The following NBPF14 variants were observed in gnomAD, a reference collection of about 807,000 sequenced individuals.
NBPF14 encodes the protein NBPF family member NBPF14.
Under a neutral mutation model 91.2 loss-of-function variants are expected in NBPF14, and 104 were observed. The ratio of observed to expected loss-of-function variants is 1.14; its 90% CI spans 0.97 to 1.34. The LOEUF (loss-of-function observed/expected upper bound fraction) is 1.34. Ranked by LOEUF, NBPF14 falls within the 40% of genes most tolerant of loss-of-function variation. The pLI is 0.00. For missense variants in NBPF14, 908 were observed against 783.0 expected, an observed-to-expected ratio of 1.16 and a Z score of -1.91; for synonymous variants, 294 against 303.8, an observed-to-expected ratio of 0.97 and a Z score of 0.34.
At chr1:148,533,766 T>A (rs373561186) in intron 70 of NBPF14, 95 bp downstream of exon 70, 2 of 761,298 alleles carry the variant, frequency 2.6e-6, no homozygotes, top group East Asian at 2.4e-5. Context: ...TCAGCCTTTG[T>A]TGAAAATATG....
In NBPF14 at chr1:148,566,327, G is replaced by A. The variant is rs1299846295; in HGVS notation, c.3543-12C>T. ...GCTCCCTGCTGAGCCTGGAAAAGGA[G>A]GAAAAGGTAAAGAATAAGCCAGGGG... On this transcript the variant is annotated splice_polypyrimidine_tract_variant and intron_variant, in intron 28 of 70. Transcript: ENST00000619423. 5 of 772,564 alleles carry A rather than the reference G, an allele frequency of 6.5e-6. No individual in the cohort carries two copies. The highest frequency in any genetic ancestry group is 2.8e-5 in the South Asian group (2 of 71,240). 47.9% of individuals were successfully genotyped at this position (772,564 alleles called of 1,614,324 possible).
intron 8 of NBPF14, 28 bp downstream of exon 8, chr1:148,587,273 C>T: frequency 6.5e-7 from 1 of 1,540,846 alleles, no homozygotes; most frequent in Non-Finnish European, 8.9e-7. Flanking sequence ...CACCTGCCCC[C>T]CTGCCTGCCC....
At chr1:148,560,165 G>C (rs1466892940) in intron 36 of NBPF14, among the ~76,000 whole-genome samples, 200 bp from the exon 37 acceptor site, 2 of 150,378 alleles carry the variant, frequency 1.3e-5, no homozygotes, top group Non-Finnish European at 2.9e-5. Flanking sequence ...CAGAGAGAGA[G>C]AGACAGAGAC....
At chr1:148,566,434 A>C (rs1658310662) in intron 28 of NBPF14, 119 bp from the exon 29 acceptor site, 2 of 603,572 alleles carry the variant, frequency 3.3e-6, no homozygotes, top group African/African-American at 1.9e-5. Flanking sequence ...TAGATCCATT[A>C]ATGAGGTAAC....
rs1325390970 is a variant in NBPF14, at chr1:148,593,785, T to G, written c.176-85A>C. On this transcript the variant is annotated intron_variant, in intron 2 of 70. Coordinates refer to ENST00000619423, the Ensembl canonical transcript of NBPF14. ...GCCTACAGGGCAGGAGCCAGGTCCA[T>G]CCCAAGGACAAAACTCTCCCCAGTA... 23 of 1,063,318 alleles carry G rather than the reference T, an allele frequency of 2.2e-5. 1 individual carries two copies. Among genetic ancestry groups the G allele is most frequent in the African/African-American group, 2.0e-4 (12 of 59,276 alleles). 65.9% of individuals were successfully genotyped at this position (1,063,318 alleles called of 1,614,324 possible).
intron 6 of NBPF14, among the ~76,000 whole-genome samples, chr1:148,590,008 G>C (rs1219283534): frequency 7.2e-6 from 1 of 139,484 alleles, no homozygotes; most frequent in Non-Finnish European, 1.6e-5. Flanking sequence ...CTGGGATTAA[G>C]ATGTGAGCCA....
intron 37 of NBPF14, 132 bp downstream of exon 37, chr1:148,559,661 A>G: frequency 6.5e-6 from 4 of 613,832 alleles, no homozygotes; most frequent in African/African-American, 3.0e-5. Flanking sequence ...GTTTCATTCA[A>G]CCTACATGTG....
rs1251928710 is a variant in NBPF14 at position 148,593,035 on chromosome 1, G to A, written c.279-269C>T. ...CAAAAGTAGGTGTCTTCCTAATTCCGTTTCAAAAAGACATCCTTTCAGTTC... is the reference window on the plus strand; with the variant it reads ...CAAAAGTAGGTGTCTTCCTAATTCCATTTCAAAAAGACATCCTTTCAGTTC... On this transcript the variant is annotated intron_variant, in intron 3 of 70. Transcript: ENST00000619423. Among the ~76,000 whole-genome samples, 156 of 145,850 alleles carry A rather than the reference G, an allele frequency of 1.1e-3. 10 individuals are homozygous for A. In the South Asian group the frequency reaches 0.023, roughly 22 times the overall value.
At position 148,587,117 on chromosome 1, in the gene NBPF14, C is replaced by T. The variant is rs1483922328; in HGVS notation, c.1091+184G>A. On this transcript the variant is annotated intron_variant, in intron 8 of 70. Transcript: ENST00000619423. ...AAAGAGAAAACAAGGCTCTGAGAAA[C>T]AACTGCAACCCATACATTTTTACTA... Among the ~76,000 whole-genome samples, 83 of 148,616 alleles carry T rather than the reference C, an allele frequency of 5.6e-4. 4 individuals are homozygous for T. Among genetic ancestry groups the T allele is most frequent in the African/African-American group, 2.0e-3 (81 of 41,004 alleles).
chr1:148,561,813 A>C lies in NBPF14; in HGVS notation c.4275-234T>G, dbSNP rs1198934594. Among the ~76,000 whole-genome samples, 7 of 136,828 alleles carry C rather than the reference A, an allele frequency of 5.1e-5. 1 individual carries two copies. Among genetic ancestry groups the C allele is most frequent in the African/African-American group, 2.4e-4 (7 of 28,628 alleles). 89.8% of individuals were successfully genotyped at this position (136,828 alleles called of 152,430 possible). ...CACACACACACACAAACACACACACACACACAGAGAGAGAGAGAGAGAGAG... is the reference window on the plus strand; with the variant it reads ...CACACACACACACAAACACACACACCCACACAGAGAGAGAGAGAGAGAGAG... On this transcript the variant is annotated intron_variant, in intron 34 of 70. Transcript: ENST00000619423.
At chr1:148,557,811 C>A (rs1656950759) in intron 39 of NBPF14, among the ~76,000 whole-genome samples, 1 of 105,652 alleles carries the variant, frequency 9.5e-6, no homozygotes, top group Non-Finnish European at 1.8e-5. Flanking sequence ...TTTATTGTTC[C>A]CATCAGTTCA....
At chr1:148,551,784 G>C (rs1355893466) in intron 47 of NBPF14, among the ~76,000 whole-genome samples, 192 bp downstream of exon 47, 65 of 17,402 alleles carry the variant, frequency 3.7e-3, no homozygotes, top group African/African-American at 0.032. Flanking sequence ...TAGGAAGAGA[G>C]TCTTGCTCAC....
intron 69 of NBPF14, among the ~76,000 whole-genome samples, 169 bp from the exon 70 acceptor site, chr1:148,534,138 C>T (rs1247178361): frequency 6.8e-6 from 1 of 146,818 alleles, no homozygotes; most frequent in Non-Finnish European, 1.5e-5. Context: ...AGAAATTCCT[C>T]GGTTTTTCTC....
At chr1:148,535,151 C>A (rs1215551806) in intron 68 of NBPF14, among the ~76,000 whole-genome samples, 1 of 148,810 alleles carries the variant, frequency 6.7e-6, no homozygotes, top group Non-Finnish European at 1.5e-5. Flanking sequence ...GCCCTCGGGA[C>A]ACACAGCGAA....
At chr1:148,539,328 G>C in intron 63 of NBPF14, 82 bp downstream of exon 63, 2 of 578,142 alleles carry the variant, frequency 3.5e-6, no homozygotes, top group Non-Finnish European at 6.1e-6. Context: ...TCTCGGGTCA[G>C]TAAGGGGCAC....
chr1:148,534,684 T>A lies in NBPF14; in HGVS notation c.8614A>T (p.Lys2872Ter), dbSNP rs1378916410. 1.0e-5 allele frequency: 8 copies of A among 802,386 alleles called. No individual in the cohort carries two copies. Among genetic ancestry groups the A allele is most frequent in the African/African-American group, 8.6e-5 (5 of 58,066 alleles). 49.7% of individuals were successfully genotyped at this position (802,386 alleles called of 1,614,324 possible). Residue 2872 changes from lysine to a stop codon, truncating the protein, a stop_gained and splice_region_variant, in exon 69 of 71, where the codon AAA (lysine) becomes TAA (stop). Coordinates refer to ENST00000619423, the Ensembl canonical transcript of NBPF14. LOFTEE classifies it high-confidence loss of function. ...ATCACCTTCATAGTAAGGTACTCAC[T>A]GTCCACGTCAAGAGCCAAGCCAAGG...
At chr1:148,594,937 C>T (rs1326989561) in intron 2 of NBPF14, among the ~76,000 whole-genome samples, 2 of 116,570 alleles carry the variant, frequency 1.7e-5, no homozygotes, top group South Asian at 6.3e-4. Flanking sequence ...ACCTCGTGCT[C>T]TGCCCGCCTC....
Position 148,559,984 on chromosome 1 carries a change from G to C in NBPF14, c.4557-19C>G. 6.7e-6 allele frequency: 8 copies of C among 1,192,120 alleles called. 1 individual carries two copies. Among genetic ancestry groups the C allele is most frequent in the Middle Eastern group, 2.8e-4 (1 of 3,540 alleles). 73.8% of individuals were successfully genotyped at this position (1,192,120 alleles called of 1,614,324 possible). A position where few individuals can be genotyped will look rare whatever the true frequency, so the allele number is the denominator to read the frequency against. Reference sequence around the variant, plus strand: ...GCTGAGCCTGGAAAAGTGGAAAAAAGTAAAGAATAAGCCAGGGGGAATCAG... The same window carrying C: ...GCTGAGCCTGGAAAAGTGGAAAAAACTAAAGAATAAGCCAGGGGGAATCAG... On this transcript the variant is annotated intron_variant, in intron 36 of 70. Transcript: ENST00000619423.
chr1:148,574,324 AC>A (rs1452922742), intron 18 of NBPF14, 99 bp from the exon 19 acceptor site: 2 of 4,816 alleles, frequency 4.2e-4, no homozygotes, highest in Non-Finnish European at 6.8e-4. Context: ...TGGTTAAAAA[AC>A]TAAAAGGATA....
Sources: allele counts gnomAD v4.1 joint callset (sites outside exome capture counted in the v4.1 genomes callset), GRCh38; gene constraint gnomAD v4.1.1; transcripts MANE v1.5; gene names NCBI Gene and HGNC (gene_info 2026-07-23, HGNC 2026-07-21).